Variants in TEX14 observed in about 807,000 individuals in gnomAD.
TEX14 encodes testis expressed 14, intercellular bridge forming factor.
In TEX14, 168 loss-of-function variants were observed where a neutral mutation model predicts 178.6. The ratio of observed to expected loss-of-function variants is 0.94; its 90% CI spans 0.83 to 1.07. The LOEUF is 1.07. Among genes scored for constraint, TEX14 ranks in the 50% least tolerant of loss-of-function variants. The probability of loss-of-function intolerance (pLI) is 0.00; values close to 1 mark genes in which losing one functional copy is unlikely to be tolerated. For missense variants in TEX14, 1,730 were observed against 1,753.6 expected (o/e 0.99, Z 0.24); for synonymous variants, 626 against 634.1 (o/e 0.99, Z 0.19).
chr17:58,629,862 A>G (rs1438787997), intron 3 of TEX14, among the ~76,000 whole-genome samples: 17 of 150,684 alleles, frequency 1.1e-4, no homozygotes, highest in Admixed American at 1.1e-3. Context: ...AATAAATAAA[A>G]TTTAGACCAA....
At chr17:58,615,841 C>T (rs1322024931) in intron 7 of TEX14, among the ~76,000 whole-genome samples, 1 of 152,198 alleles carries the variant, frequency 6.6e-6, no homozygotes, top group African/African-American at 2.4e-5. Context: ...AGTAATCTTT[C>T]AGAGCAGTGG....
intron 2 of TEX14, among the ~76,000 whole-genome samples, chr17:58,645,270 G>A (rs931329041): frequency 3.9e-5 from 6 of 152,066 alleles, no homozygotes; most frequent in Non-Finnish European, 5.9e-5. Flanking sequence ...TTACAGGCGT[G>A]AGCCACCATG....
intron 21 of TEX14, among the ~76,000 whole-genome samples, chr17:58,575,036 T>C (rs906129809): frequency 1.3e-5 from 2 of 151,850 alleles, no homozygotes; most frequent in Admixed American, 6.6e-5. Context: ...CTTTAACCAA[T>C]ATTTAAGATT....
In TEX14 at chr17:58,564,950, T is replaced by C; in HGVS notation, c.3983A>G (p.Glu1328Gly). Residue 1328 changes from glutamate (E) to glycine (G), a missense_variant, in exon 28 of 32, where the codon GAA becomes GGA. Glu to Gly is a moderately conservative substitution (Grantham distance 98). Around this residue, in one of 2 missense-constraint regions of TEX14, gnomAD observed 941 missense variants for 1,072.4 expected, o/e 0.88. Transcript: ENST00000349033. ...TTCTTTTTTACTGTCAGTTTCTTGT[T>C]CTTCTAAGTGCCTTTGATCTAAAAA... The part of the protein sequence containing the change: ...GTANDQRHLE[E>G]QETDSKKEDS... The C allele has an allele frequency of 1.2e-6, 2 of 1,601,310 alleles. No homozygotes were observed. The highest frequency in any genetic ancestry group is 1.7e-6 in the Non-Finnish European group (2 of 1,173,238).
intron 1 of TEX14, among the ~76,000 whole-genome samples, chr17:58,667,253 T>TC (rs2047229700): frequency 6.6e-6 from 1 of 152,186 alleles, no homozygotes; most frequent in Admixed American, 6.6e-5. Context: ...GGTTTTGGAA[T>TC]CCAAGATCTG....
At chr17:58,681,202 T>A (rs1321673062) in intron 1 of TEX14, among the ~76,000 whole-genome samples, 1 of 152,168 alleles carries the variant, frequency 6.6e-6, no homozygotes, top group East Asian at 1.9e-4. Flanking sequence ...CAGGCTGCAG[T>A]GAGCCGAGAC....
At chr17:58,619,630 C>A (rs1006044211) in intron 5 of TEX14, among the ~76,000 whole-genome samples, 1 of 151,998 alleles carries the variant, frequency 6.6e-6, no homozygotes, top group African/African-American at 2.4e-5. Flanking sequence ...CACGGTGAAA[C>A]CCCATCTCTA....
intron 26 of TEX14, among the ~76,000 whole-genome samples, chr17:58,566,454 T>C (rs2044400186): frequency 6.6e-6 from 1 of 152,160 alleles, no homozygotes; most frequent in Non-Finnish European, 1.5e-5. Flanking sequence ...ATCTAAATGT[T>C]TCCCCATCTC....
rs73327378 is a variant in TEX14 at position 58,619,898 on chromosome 17, T to A, written c.554+1752A>T. Among the ~76,000 whole-genome samples the A allele has an allele frequency of 8.6e-3, 1,310 of 152,130 alleles. 23 individuals carry two copies. Among genetic ancestry groups the A allele is most frequent in the African/African-American group, 0.029 (1,207 of 41,514 alleles). On this transcript the variant is annotated intron_variant, in intron 5 of 31. Coordinates refer to ENST00000349033, the MANE Select transcript of TEX14 (RefSeq NM_031272.5). ...TTTCCTCTAATTCTAAACTAAATGC[T>A]GTATCTAGATGAGTAACTAAGATTG...
chr17:58,656,781 G>A (rs2046975094), intron 1 of TEX14, among the ~76,000 whole-genome samples: 1 of 149,582 alleles, frequency 6.7e-6, no homozygotes, highest in African/African-American at 2.5e-5. Flanking sequence ...AAATTGGCCA[G>A]GCGTGGTGGC....
chr17:58,599,738 T>C (rs564348997), intron 13 of TEX14, 72 bp from the exon 14 acceptor site: 2 of 1,270,264 alleles, frequency 1.6e-6, no homozygotes, highest in African/African-American at 1.5e-5. Flanking sequence ...CTTGGCTTGT[T>C]CAAGAGGCAA....
chr17:58,625,866 G>A (rs1567743591), intron 3 of TEX14, among the ~76,000 whole-genome samples: 2 of 151,872 alleles, frequency 1.3e-5, no homozygotes, highest in Non-Finnish European at 2.9e-5. Flanking sequence ...TGAGCCTCCT[G>A]AGTAGCTGGG....
In TEX14 at chr17:58,616,252, A is replaced by T; in HGVS notation, c.690T>A (p.Ile230=). ...CAGCTTGAATCACTTCCTTTTCTCC[A>T]ATGACCGGAAGAGATCCTAGATAGG... ...QMAYLGSLPV[I]GEKEVIQADD... Residue 230 remains isoleucine (I), a synonymous_variant, in exon 7 of 32, where the codon ATT becomes ATA. Coordinates refer to ENST00000349033, the MANE Select transcript of TEX14 (RefSeq NM_031272.5). The T allele has an allele frequency of 1.2e-6, 2 of 1,613,994 alleles. No individual in the cohort carries two copies. The highest frequency in any genetic ancestry group is 1.7e-6 in the Non-Finnish European group (2 of 1,179,960).
intron 2 of TEX14, among the ~76,000 whole-genome samples, chr17:58,643,597 C>T (rs2046623827): frequency 6.6e-6 from 1 of 151,570 alleles, no homozygotes; most frequent in Admixed American, 6.6e-5. Flanking sequence ...GGGCTGGGCA[C>T]AGTGGCTTAC....
chr17:58,631,221 G>A, intron 2 of TEX14: 13 of 804,904 alleles, frequency 1.6e-5, no homozygotes, highest in Non-Finnish European at 2.0e-5. Flanking sequence ...CAGCTCTTTG[G>A]GAAGCCGAGG....
chr17:58,606,297 G>T (rs956757646), intron 10 of TEX14, among the ~76,000 whole-genome samples: 1 of 152,142 alleles, frequency 6.6e-6, no homozygotes, highest in African/African-American at 2.4e-5. Flanking sequence ...GCCATAAAGC[G>T]CTCTTTCATG....
At chr17:58,619,752 A>C (rs1435756171) in intron 5 of TEX14, among the ~76,000 whole-genome samples, 7 of 145,822 alleles carry the variant, frequency 4.8e-5, no homozygotes, top group Admixed American at 3.6e-4. Flanking sequence ...TGGTGAGCCG[A>C]GATTGCACGG....
chr17:58,575,777 C>T (rs1317686286), intron 21 of TEX14, among the ~76,000 whole-genome samples: 1 of 152,186 alleles, frequency 6.6e-6, no homozygotes, highest in Non-Finnish European at 1.5e-5. Context: ...CCTGGCCAAC[C>T]CATGAGCCAT....
chr17:58,637,509 A>C lies in TEX14; in HGVS notation c.137-6955T>G, dbSNP rs569399282. 2.6e-5 allele frequency among the ~76,000 whole-genome samples: 4 copies of C among 152,312 alleles called. No homozygotes were observed. In the East Asian group the frequency reaches 7.7e-4, roughly 29 times the overall value. On this transcript the variant is annotated intron_variant, in intron 2 of 31. Coordinates refer to ENST00000349033, the MANE Select transcript of TEX14 (RefSeq NM_031272.5). ...AAGGTTAAATTGATCACCAATGGCT[A>C]GTGATTTAATCTACCATACCTACGT...
Sources: allele counts gnomAD v4.1 joint callset (sites outside exome capture counted in the v4.1 genomes callset), GRCh38; gene constraint gnomAD v4.1.1; regional missense constraint gnomAD v4.1.1; transcripts MANE v1.5; gene names NCBI Gene and HGNC (gene_info 2026-07-23, HGNC 2026-07-21).